Variants in NUS1 observed in about 807,000 individuals in gnomAD.
The protein encoded by NUS1 is dehydrodolichyl diphosphate synthase complex subunit NUS1.
For missense variants in NUS1, 292 were observed against 382.9 expected, an observed-to-expected ratio of 0.76 and a Z score of 1.98; for synonymous variants, 135 against 155.2, an observed-to-expected ratio of 0.87 and a Z score of 0.97.
At chr6:117,680,164 A>G (rs747726518) in intron 1 of NUS1, among the ~76,000 whole-genome samples, 1 of 152,238 alleles carries the variant, frequency 6.6e-6, no homozygotes, top group East Asian at 1.9e-4. Flanking sequence ...AGAGTCTGCA[A>G]GTAATTCTTT....
rs1189244336 is a variant in NUS1, at chr6:117,709,256, A to G, written c.*2241A>G. 22 of 151,274 alleles carry G rather than the reference A, an allele frequency of 1.5e-4. 1 individual carries two copies. Among genetic ancestry groups the G allele is most frequent in the Non-Finnish European group, 2.8e-4 (19 of 67,790 alleles). The allele number at this position is 151,274 out of a possible 1,614,324, so 9.4% of individuals were successfully genotyped here. A position where few individuals can be genotyped will look rare whatever the true frequency, so the allele number is the denominator to read the frequency against. On this transcript the variant is annotated 3_prime_UTR_variant, in exon 5 of 5. Transcript: ENST00000368494. The stretch of plus-strand genomic sequence containing the variant: ...AGAACTGGTAATTTTAAACAAAAGT[A>G]TGTGTCTTTATTTGTATTGGAAAAT...
intron 3 of NUS1, among the ~76,000 whole-genome samples, chr6:117,698,402 A>G (rs1773351824): frequency 1.3e-5 from 2 of 152,252 alleles, no homozygotes; most frequent in African/African-American, 2.4e-5. Context: ...CTATATGCCA[A>G]TAAATTGGAA....
intron 1 of NUS1, among the ~76,000 whole-genome samples, chr6:117,686,093 C>A (rs1404264401): frequency 6.6e-6 from 1 of 151,810 alleles, no homozygotes; most frequent in Non-Finnish European, 1.5e-5. Flanking sequence ...AACCCCGTCT[C>A]TACTAAAAAT....
rs56080181 is a variant in NUS1, at chr6:117,686,852, A to ATGTGTG, written c.416-6148_416-6143dup. On this transcript the variant is annotated intron_variant, in intron 1 of 4. Transcript: ENST00000368494. ...TTCTTGTGTATCATGTGAAGTGTGTATGTGTGTGTGTGTGTGTGTGTGTGT... is the reference window on the plus strand; with the variant it reads ...TTCTTGTGTATCATGTGAAGTGTGTATGTGTGTGTGTGTGTGTGTGTGTGTGTGTGT... Among the ~76,000 whole-genome samples the ATGTGTG allele has an allele frequency of 8.2e-4, 115 of 139,398 alleles. 1 individual carries two copies. Among genetic ancestry groups the ATGTGTG allele is most frequent in the East Asian group, 2.5e-3 (12 of 4,752 alleles). 91.5% of individuals were successfully genotyped at this position (139,398 alleles called of 152,430 possible).
At chr6:117,679,130 A>T (rs907494809) in intron 1 of NUS1, among the ~76,000 whole-genome samples, 3 of 152,234 alleles carry the variant, frequency 2.0e-5, no homozygotes, top group Non-Finnish European at 4.4e-5. Flanking sequence ...CACTCAAGTA[A>T]GGATGTCCAT....
intron 1 of NUS1, among the ~76,000 whole-genome samples, chr6:117,686,000 G>GCCTGTAAT: frequency 6.8e-6 from 1 of 146,702 alleles, no homozygotes; most frequent in East Asian, 2.1e-4. Context: ...CGTGGCTCAC[G>GCCTGTAAT]CCTGTAATCC....
chr6:117,685,999 C>T (rs1436832397), intron 1 of NUS1, among the ~76,000 whole-genome samples: 2 of 148,908 alleles, frequency 1.3e-5, no homozygotes, highest in Non-Finnish European at 3.0e-5. Flanking sequence ...CCGTGGCTCA[C>T]GCCTGTAATC....
chr6:117,691,552 GAT>G (rs1236328961), intron 1 of NUS1, among the ~76,000 whole-genome samples: 22 of 37,538 alleles, frequency 5.9e-4, no homozygotes, highest in African/African-American at 1.3e-3. Flanking sequence ...CTGTGCCATA[GAT>G]ATAGATATAT....
chr6:117,677,221 A>C (rs1772997507), intron 1 of NUS1, among the ~76,000 whole-genome samples: 1 of 152,238 alleles, frequency 6.6e-6, no homozygotes, highest in Non-Finnish European at 1.5e-5. Flanking sequence ...GGAGGTAGGC[A>C]CACACTCACA....
In NUS1 at chr6:117,710,614, A is replaced by AT. The variant is rs561206215; in HGVS notation, c.*3605dup. The AT allele has an allele frequency of 1.6e-3, 247 of 152,142 alleles. No homozygotes were observed. The highest frequency in any genetic ancestry group is 5.8e-3 in the African/African-American group (239 of 41,544). 9.4% of individuals were successfully genotyped at this position (152,142 alleles called of 1,614,324 possible). ...TCTACTGTAACAAGTTAATAAAGAG[A>AT]TTTTTTAAAAAACTATAAACTAGAA... On this transcript the variant is annotated 3_prime_UTR_variant, in exon 5 of 5. Coordinates refer to ENST00000368494, the MANE Select transcript of NUS1 (RefSeq NM_138459.5).
chr6:117,704,508 T>A (rs1773473533), intron 4 of NUS1, among the ~76,000 whole-genome samples: 1 of 152,182 alleles, frequency 6.6e-6, no homozygotes. Flanking sequence ...ATGGATGATA[T>A]GTAAACAAGC....
rs560658194 is a variant in NUS1 at position 117,686,153 on chromosome 6, C to G, written c.416-6889C>G. On this transcript the variant is annotated intron_variant, in intron 1 of 4. Transcript: ENST00000368494. ...GTGGGCGCCTATAGTCCCAGCTACT[C>G]GAGAGGCTGAGGCAGGAGAATGGCG... 4.8e-4 allele frequency among the ~76,000 whole-genome samples: 69 copies of G among 144,710 alleles called. 1 individual carries two copies. The highest frequency in any genetic ancestry group is 1.6e-3 in the African/African-American group (63 of 38,820). 94.9% of individuals were successfully genotyped at this position (144,710 alleles called of 152,430 possible). A position where few individuals can be genotyped will look rare whatever the true frequency, so the allele number is the denominator to read the frequency against.
intron 1 of NUS1, among the ~76,000 whole-genome samples, chr6:117,681,098 G>A (rs1052570531): frequency 4.6e-5 from 7 of 152,070 alleles, no homozygotes; most frequent in Admixed American, 3.9e-4. Context: ...CCTACCAAGA[G>A]GCTATTGTTC....
chr6:117,676,011 T>C lies in NUS1; in HGVS notation c.341T>C (p.Phe114Ser), dbSNP rs1162139378. 2 of 1,549,712 alleles carry C rather than the reference T, an allele frequency of 1.3e-6. No individual in the cohort carries two copies. Among genetic ancestry groups the C allele is most frequent in the South Asian group, 1.2e-5 (1 of 83,976 alleles). The change falls in exon 1 of 5, where the codon TTC becomes TCC. Residue 114 changes from phenylalanine (F) to serine (S), a missense_variant. Transcript: ENST00000368494. Reference protein sequence around the residue: ...VITEVEQEPSFSDIASLVVWC... With the variant: ...VITEVEQEPSSSDIASLVVWC... ...ACCGAGGTGGAGCAGGAACCCAGCT[T>C]CTCGGACATCGCGAGCCTCGTGGTG...
rs183337663 is a variant in NUS1 at position 117,686,867 on chromosome 6, T to C, written c.416-6175T>C. Reference sequence around the variant, plus strand: ...TGAAGTGTGTATGTGTGTGTGTGTGTGTGTGTGTGTGTGTGTGTGTGTGTG... The same window carrying C: ...TGAAGTGTGTATGTGTGTGTGTGTGCGTGTGTGTGTGTGTGTGTGTGTGTG... On this transcript the variant is annotated intron_variant, in intron 1 of 4. Transcript: ENST00000368494. 5.5e-3 allele frequency among the ~76,000 whole-genome samples: 811 copies of C among 147,928 alleles called. 2 individuals carry two copies. Among genetic ancestry groups the C allele is most frequent in the Admixed American group, 0.011 (162 of 14,820 alleles).
At position 117,710,173 on chromosome 6, in the gene NUS1, A is replaced by G. The variant is rs554730624; in HGVS notation, c.*3158A>G. 1.6e-3 allele frequency: 245 copies of G among 152,292 alleles called. No homozygotes were observed. Among genetic ancestry groups the G allele is most frequent in the African/African-American group, 5.7e-3 (238 of 41,584 alleles). The allele number at this position is 152,292 out of a possible 1,614,324, so 9.4% of individuals were successfully genotyped here. A position where few individuals can be genotyped will look rare whatever the true frequency, so the allele number is the denominator to read the frequency against. ...TGTCAAATGAGAAAATTTAAAGGTA[A>G]GAGTTATGGTTTGTCTTATGCTGCA... On this transcript the variant is annotated 3_prime_UTR_variant, in exon 5 of 5. Transcript: ENST00000368494.
rs1332505752 is a variant in NUS1, at chr6:117,709,657, A to G, written c.*2642A>G. The G allele has an allele frequency of 3.3e-5, 5 of 152,374 alleles. No individual in the cohort carries two copies. Among genetic ancestry groups the G allele is most frequent in the Non-Finnish European group, 4.4e-5 (3 of 67,928 alleles). 9.4% of individuals were successfully genotyped at this position (152,374 alleles called of 1,614,324 possible). ...TGTGATGGTACCATGCATAGAGTCA[A>G]TCAAATCCTTGTGATGTTTTGTATG... On this transcript the variant is annotated 3_prime_UTR_variant, in exon 5 of 5. Transcript: ENST00000368494.
At chr6:117,691,572 T>TATATATATATATAG (rs1562178586) in intron 1 of NUS1, among the ~76,000 whole-genome samples, 1 of 145,824 alleles carries the variant, frequency 6.9e-6, no homozygotes, top group African/African-American at 2.5e-5. Context: ...TATATATATA[T>TATATATATATATAG]ATATATATAT....
intron 3 of NUS1, among the ~76,000 whole-genome samples, chr6:117,696,751 A>C (rs1446422692): frequency 6.6e-6 from 1 of 152,136 alleles, no homozygotes; most frequent in Non-Finnish European, 1.5e-5. Flanking sequence ...TCAGCACCAC[A>C]CTTTCCCTGC....
Sources: allele counts gnomAD v4.1 joint callset (sites outside exome capture counted in the v4.1 genomes callset), GRCh38; gene constraint gnomAD v4.1.1; transcripts MANE v1.5; gene names NCBI Gene and HGNC (gene_info 2026-07-23, HGNC 2026-07-21).